FAM110B: variants seen among roughly 807,000 people sequenced by gnomAD.
FAM110B encodes the protein family with sequence similarity 110 member B, also known as protein FAM110B.
A neutral mutation model predicts 20.4 loss-of-function variants in FAM110B; 6 were observed. That is an observed-to-expected ratio of 0.29 (90% CI 0.16 to 0.58). FAM110B has a LOEUF of 0.58. Among genes scored for constraint, FAM110B ranks in the 20% least tolerant of loss-of-function variants. The probability of loss-of-function intolerance (pLI) is 0.90; values close to 1 mark genes in which losing one functional copy is unlikely to be tolerated. For synonymous variants in FAM110B, 226 were observed against 214.1 expected (o/e 1.06, Z -0.49); for missense variants, 434 against 498.2 (o/e 0.87, Z 1.23).
intron 1 of FAM110B, among the ~76,000 whole-genome samples, chr8:58,002,345 G>T (rs1269429952): frequency 6.6e-6 from 1 of 152,170 alleles, no homozygotes; most frequent in Non-Finnish European, 1.5e-5. Flanking sequence ...TTCCCAAGTT[G>T]GTTTAAATGA....
chr8:58,065,153 A>C (rs1036849311), intron 2 of FAM110B, among the ~76,000 whole-genome samples: 4 of 152,216 alleles, frequency 2.6e-5, no homozygotes, highest in African/African-American at 9.6e-5. Flanking sequence ...TAAAAACAGC[A>C]GCATGCTTTA....
intron 2 of FAM110B, among the ~76,000 whole-genome samples, chr8:58,064,031 A>G (rs1324016094): frequency 6.6e-6 from 1 of 152,214 alleles, no homozygotes; most frequent in Non-Finnish European, 1.5e-5. Flanking sequence ...CACATCTTAT[A>G]TGGCTGGTGC....
intron 1 of FAM110B, among the ~76,000 whole-genome samples, chr8:58,026,998 C>T (rs1804867088): frequency 6.7e-6 from 1 of 148,810 alleles, no homozygotes; most frequent in South Asian, 2.1e-4. Flanking sequence ...TTTAAAAGAA[C>T]ACGAACTCAA....
intron 3 of FAM110B, among the ~76,000 whole-genome samples, chr8:58,144,389 TGG>T (rs571714661): frequency 1.5e-4 from 23 of 152,308 alleles, no homozygotes; most frequent in Admixed American, 7.2e-4. Flanking sequence ...TTCATCTTAA[TGG>T]GAGGAGGTGT....
At chr8:58,059,942 AT>A (rs554589512) in intron 2 of FAM110B, among the ~76,000 whole-genome samples, 2 of 151,890 alleles carry the variant, frequency 1.3e-5, no homozygotes, top group African/African-American at 2.4e-5. Flanking sequence ...GCGTTTACTA[AT>A]TTTTTTTAAT....
intron 1 of FAM110B, among the ~76,000 whole-genome samples, chr8:58,019,366 GAAAGAAAGAAAGAAAAGA>G (rs1212736105): frequency 2.1e-5 from 2 of 94,580 alleles, no homozygotes; most frequent in Admixed American, 9.9e-5. Flanking sequence ...AAAAAGGAAA[GAAAGAAAGAAAGAAAAGA>G]AAAGAAAGAA....
At chr8:58,027,836 A>G (rs1300505299) in intron 1 of FAM110B, among the ~76,000 whole-genome samples, 1 of 152,170 alleles carries the variant, frequency 6.6e-6, no homozygotes, top group Non-Finnish European at 1.5e-5. Flanking sequence ...TTGTTGATCC[A>G]TTCACCAGAT....
At chr8:57,995,625 C>G (rs1261499509) in intron 1 of FAM110B, among the ~76,000 whole-genome samples, 2 of 152,270 alleles carry the variant, frequency 1.3e-5, no homozygotes, top group East Asian at 3.9e-4. Flanking sequence ...ACAGGTCTCC[C>G]TTAAGCTGGC....
At chr8:58,027,525 A>T (rs570488724) in intron 1 of FAM110B, among the ~76,000 whole-genome samples, 31 of 152,156 alleles carry the variant, frequency 2.0e-4, no homozygotes, top group African/African-American at 6.3e-4. Flanking sequence ...TATGGCAGTT[A>T]TGCACCCACT....
intron 2 of FAM110B, among the ~76,000 whole-genome samples, chr8:58,036,820 GC>G (rs555707806): frequency 2.0e-5 from 3 of 152,188 alleles, no homozygotes; most frequent in Non-Finnish European, 2.9e-5. Context: ...AACCCCTTAA[GC>G]ATGAGTGTAT....
intron 1 of FAM110B, among the ~76,000 whole-genome samples, chr8:58,010,608 T>TA (rs1229894443): frequency 6.6e-6 from 1 of 152,166 alleles, no homozygotes; most frequent in Non-Finnish European, 1.5e-5. Flanking sequence ...TCTGTAATCT[T>TA]AAAGTTCCAT....
chr8:58,140,893 A>T (rs1803731103), intron 3 of FAM110B, among the ~76,000 whole-genome samples: 1 of 152,092 alleles, frequency 6.6e-6, no homozygotes, highest in African/African-American at 2.4e-5. Context: ...CATTCATTCG[A>T]TTCACATTTA....
intron 1 of FAM110B, among the ~76,000 whole-genome samples, chr8:58,028,571 A>G (rs574092208): frequency 1.8e-3 from 276 of 152,262 alleles, no homozygotes; most frequent in Middle Eastern, 6.8e-3. Flanking sequence ...TGGAATGGAC[A>G]TCTTGTCCTT....
At chr8:58,053,456 G>A (rs1298588389) in intron 2 of FAM110B, among the ~76,000 whole-genome samples, 2 of 152,212 alleles carry the variant, frequency 1.3e-5, no homozygotes, top group African/African-American at 2.4e-5. Flanking sequence ...GAATGTGGTG[G>A]GGTCACGTTT....
chr8:58,120,043 G>A (rs1489268479), intron 3 of FAM110B, among the ~76,000 whole-genome samples: 1 of 152,130 alleles, frequency 6.6e-6, no homozygotes, highest in Non-Finnish European at 1.5e-5. Context: ...TCCCAGAATC[G>A]TGTCCTGGAC....
At chr8:58,025,584 T>C (rs899613498) in intron 1 of FAM110B, among the ~76,000 whole-genome samples, 4 of 152,020 alleles carry the variant, frequency 2.6e-5, no homozygotes, top group Non-Finnish European at 4.4e-5. Flanking sequence ...TGGTCACAAC[T>C]GGATATGAGA....
intron 2 of FAM110B, among the ~76,000 whole-genome samples, chr8:58,053,968 G>A (rs1805505176): frequency 6.6e-6 from 1 of 152,164 alleles, no homozygotes; most frequent in African/African-American, 2.4e-5. Context: ...CCACATGGTG[G>A]AAGATTTATG....
Position 58,147,953 on chromosome 8 carries a change from A to G in FAM110B, c.*610A>G, listed in dbSNP as rs1190447383. On this transcript the variant is annotated 3_prime_UTR_variant, in exon 4 of 4. Coordinates refer to ENST00000519262, the MANE Select transcript of FAM110B (RefSeq NM_001377989.1). ...ACGTTTTGTGTCCGATTCAGTGTGTAAACGTTGGTGGTTCTATGTAATACT... is the reference window on the plus strand; with the variant it reads ...ACGTTTTGTGTCCGATTCAGTGTGTGAACGTTGGTGGTTCTATGTAATACT... 5.9e-6 allele frequency: 1 copy of G among 168,624 alleles called. No individual in the cohort carries two copies. Among genetic ancestry groups the G allele is most frequent in the Non-Finnish European group, 1.4e-5 (1 of 69,280 alleles). The allele number at this position is 168,624 out of a possible 1,614,324, so 10.4% of individuals were successfully genotyped here.
At chr8:58,088,716 G>C (rs763082608) in intron 3 of FAM110B, among the ~76,000 whole-genome samples, 2 of 152,152 alleles carry the variant, frequency 1.3e-5, no homozygotes, top group Non-Finnish European at 2.9e-5. Flanking sequence ...AGAGTGAAAA[G>C]AGGGTGGAGG....
Sources: gnomAD v4.1 joint callset for allele counts (sites outside exome capture counted in the v4.1 genomes callset) on GRCh38, gnomAD v4.1.1 for gene constraint, MANE v1.5 for transcripts, NCBI Gene and HGNC (gene_info 2026-07-23, HGNC 2026-07-21) for gene names.